ZSCAN1: variants seen among roughly 807,000 people sequenced by gnomAD.
The protein encoded by ZSCAN1 is zinc finger and SCAN domain-containing protein 1.
In ZSCAN1, 23 loss-of-function variants were observed where a neutral mutation model predicts 23.8. That is an observed-to-expected ratio of 0.97 (90% CI 0.70 to 1.37). The LOEUF (loss-of-function observed/expected upper bound fraction) is 1.37, where lower values mean the gene tolerates loss of function less well. Ranked by LOEUF, ZSCAN1 falls within the 40% of genes most tolerant of loss-of-function variation. The pLI is 0.00. For synonymous variants in ZSCAN1, 236 were observed against 232.3 expected (o/e 1.02, Z -0.15); for missense variants, 575 against 554.0 (o/e 1.04, Z -0.38).
Position 58,036,724 on chromosome 19 carries a change from T to C in ZSCAN1, c.-110+713T>C, listed in dbSNP as rs898706309. ...TTTTTTGGGATGGAATCTCACGCTGTCACTCAGGCTGGAGTACAGTGGTGC... is the reference window on the plus strand; with the variant it reads ...TTTTTTGGGATGGAATCTCACGCTGCCACTCAGGCTGGAGTACAGTGGTGC... On this transcript the variant is annotated intron_variant, in intron 2 of 5. Coordinates refer to ENST00000282326, the MANE Select transcript of ZSCAN1 (RefSeq NM_182572.4). Among the ~76,000 whole-genome samples the C allele has an allele frequency of 5.3e-5, 8 of 152,118 alleles. No homozygotes were observed. The East Asian group carries it at 1.5e-3, about 29-fold the overall frequency.
chr19:58,042,634 G>A (rs578143644), intron 4 of ZSCAN1, among the ~76,000 whole-genome samples: 1 of 152,226 alleles, frequency 6.6e-6, no homozygotes, highest in South Asian at 2.1e-4. Context: ...TGCATCTAAC[G>A]GAGGCATCTA....
In ZSCAN1 at chr19:58,040,335, C is replaced by A; in HGVS notation, c.371-115C>A. 9.4e-7 allele frequency: 1 copy of A among 1,060,074 alleles called. No homozygotes were observed. Among genetic ancestry groups the A allele is most frequent in the Non-Finnish European group, 1.4e-6 (1 of 708,022 alleles). The allele number at this position is 1,060,074 out of a possible 1,614,324, so 65.7% of individuals were successfully genotyped here. A position where few individuals can be genotyped will look rare whatever the true frequency, so the allele number is the denominator to read the frequency against. ...ACAGCCCTGCAGCCACTCTTGCCTGCGCCTCAGGGGTGCTGCAGGGATGTT... is the reference window on the plus strand; with the variant it reads ...ACAGCCCTGCAGCCACTCTTGCCTGAGCCTCAGGGGTGCTGCAGGGATGTT... On this transcript the variant is annotated intron_variant, in intron 3 of 5. Transcript: ENST00000282326. This position sits in a 1 kb window ranked among gnomAD's most constrained non-coding sequence, Gnocchi z 5.8.
In ZSCAN1 at chr19:58,040,515, A is replaced by C; in HGVS notation, c.436A>C (p.Ser146Arg). The C allele has an allele frequency of 6.2e-7, 1 of 1,613,572 alleles. No individual in the cohort carries two copies. The highest frequency in any genetic ancestry group is 8.5e-7 in the Non-Finnish European group (1 of 1,179,978). The change falls in exon 4 of 6, where the codon AGT (serine) becomes CGT (arginine). Residue 146 changes from serine to arginine, a missense_variant. Coordinates refer to ENST00000282326, the MANE Select transcript of ZSCAN1 (RefSeq NM_182572.4). This position sits in a 1 kb window ranked among gnomAD's most constrained non-coding sequence, Gnocchi z 5.8. ...WSFGEEEDGK[S>R]PRSQKEPSQA... ...TTTCGGTGAGGAGGAAGATGGGAAGAGTCCAAGGTCCCAGAAAGAACCATC... is the reference window on the plus strand; with the variant it reads ...TTTCGGTGAGGAGGAAGATGGGAAGCGTCCAAGGTCCCAGAAAGAACCATC...
chr19:58,042,035 A>G (rs1297844473), intron 4 of ZSCAN1, among the ~76,000 whole-genome samples: 1 of 152,236 alleles, frequency 6.6e-6, no homozygotes, highest in Non-Finnish European at 1.5e-5. Flanking sequence ...GAAGAGGAAC[A>G]GGCTATGACC....
At position 58,045,910 on chromosome 19, in the gene ZSCAN1, C is replaced by G; in HGVS notation, c.465+5366C>G. On this transcript the variant is annotated intron_variant, in intron 4 of 5. Coordinates refer to ENST00000282326, the MANE Select transcript of ZSCAN1 (RefSeq NM_182572.4). The surrounding 1 kb of genome is among the most constrained non-coding windows in gnomAD (Gnocchi z 4.3). ...CCCAGAGATTGTGGCAAAGGAAGCA[C>G]AGGTGAAAGTGGCCGAGGTGGAGGG... The G allele has an allele frequency of 1.0e-6, 1 of 989,654 alleles. No individual in the cohort carries two copies. The highest frequency in any genetic ancestry group is 1.6e-6 in the Non-Finnish European group (1 of 613,740). 61.3% of individuals were successfully genotyped at this position (989,654 alleles called of 1,614,324 possible). A position where few individuals can be genotyped will look rare whatever the true frequency, so the allele number is the denominator to read the frequency against.
chr19:58,052,676 A>G (rs1442034552), intron 5 of ZSCAN1, 48 bp downstream of exon 5: 1 of 1,529,630 alleles, frequency 6.5e-7, no homozygotes, highest in Non-Finnish European at 8.8e-7. Context: ...GGAGTTTGGG[A>G]CTTCAACCCA....
In ZSCAN1 at chr19:58,053,671, C is replaced by T. The variant is rs1312609490; in HGVS notation, c.847C>T (p.Pro283Ser). The T allele has an allele frequency of 1.2e-6, 2 of 1,614,138 alleles. No homozygotes were observed. Among genetic ancestry groups the T allele is most frequent in the Admixed American group, 3.3e-5 (2 of 60,018 alleles). The change falls in exon 6 of 6, where the codon CCG (proline) becomes TCG (serine). Residue 283 changes from proline (P) to serine (S), a missense_variant. Physicochemically the swap from Pro to Ser is moderately conservative, Grantham distance 74 (BLOSUM62 -1). Transcript: ENST00000282326. The surrounding 1 kb of genome is among the most constrained non-coding windows in gnomAD (Gnocchi z 5.8). Reference protein sequence around the residue: ...QEAVAGISVVPRGPRGGRPFQ... With the variant: ...QEAVAGISVVSRGPRGGRPFQ... Reference sequence around the variant, plus strand: ...GGCTGTTGCAGGCATCTCGGTAGTGCCGCGTGGGCCCCGAGGTGGGCGGCC... The same window carrying T: ...GGCTGTTGCAGGCATCTCGGTAGTGTCGCGTGGGCCCCGAGGTGGGCGGCC...
downstream of ZSCAN1, among the ~76,000 whole-genome samples, chr19:58,054,855 T>C (rs1227778374): frequency 2.0e-5 from 3 of 152,184 alleles, no homozygotes; most frequent in African/African-American, 7.2e-5. This position sits in a 1 kb window ranked among gnomAD's most constrained non-coding sequence, Gnocchi z 4.2. Flanking sequence ...GAAGGATTTT[T>C]TTTTTAGATA....
In ZSCAN1 at chr19:58,053,524, G is replaced by C. The variant is rs762558984; in HGVS notation, c.700G>C (p.Val234Leu). 6.2e-7 allele frequency: 1 copy of C among 1,614,148 alleles called. No individual in the cohort carries two copies. The highest frequency in any genetic ancestry group is 8.5e-7 in the Non-Finnish European group (1 of 1,180,028). ...PSSDLRAEGT[V>L]ISSPKGPSAQ... ...CTCAGACCTGCGGGCAGAAGGGACT[G>C]TGATCTCGAGCCCCAAGGGTCCAAG... Residue 234 changes from valine to leucine, a missense_variant, in exon 6 of 6, where the codon GTG becomes CTG. Transcript: ENST00000282326. This position sits in a 1 kb window ranked among gnomAD's most constrained non-coding sequence, Gnocchi z 5.8.
chr19:58,046,153 G>C (rs186236371), intron 4 of ZSCAN1: 1 of 727,374 alleles, frequency 1.4e-6, no homozygotes, highest in Non-Finnish European at 2.5e-6. Context: ...CACTGCCCCC[G>C]TGCTAGAGGG....
rs1391634451 is a variant in ZSCAN1 at position 58,037,616 on chromosome 19, T to C, written c.-109-112T>C. 19 of 491,902 alleles carry C rather than the reference T, an allele frequency of 3.9e-5. No individual in the cohort carries two copies. In the Admixed American group the frequency reaches 6.8e-4, roughly 18 times the overall value. The allele number at this position is 491,902 out of a possible 1,614,324, so 30.5% of individuals were successfully genotyped here. A position where few individuals can be genotyped will look rare whatever the true frequency, so the allele number is the denominator to read the frequency against. ...GTCAGAAGGTGGGAAGAGGTCAGGTTGGTTCCTTGGGGTGCTGGAGGTCAG... is the reference window on the plus strand; with the variant it reads ...GTCAGAAGGTGGGAAGAGGTCAGGTCGGTTCCTTGGGGTGCTGGAGGTCAG... On this transcript the variant is annotated intron_variant, in intron 2 of 5. Coordinates refer to ENST00000282326, the MANE Select transcript of ZSCAN1 (RefSeq NM_182572.4).
rs1426870617 is a variant in ZSCAN1 at position 58,053,593 on chromosome 19, C to G, written c.769C>G (p.Gln257Glu). 8.1e-6 allele frequency: 13 copies of G among 1,613,998 alleles called. No individual in the cohort carries two copies. In the Admixed American group the frequency reaches 8.3e-5, roughly 10 times the overall value. The change falls in exon 6 of 6, where the codon CAG (glutamine) becomes GAG (glutamate). Residue 257 changes from glutamine (Q) to glutamate (E), a missense_variant. Coordinates refer to ENST00000282326, the MANE Select transcript of ZSCAN1 (RefSeq NM_182572.4). The surrounding 1 kb of genome is among the most constrained non-coding windows in gnomAD (Gnocchi z 5.8). ...CCGAAGGAGAAACAGGAACACTGAC[C>G]AGAGCGGCCGCCACCAGCCATCCCT... ...SPRRRNRNTD[Q>E]SGRHQPSLKH...
Position 58,052,587 on chromosome 19 carries a change from C to G in ZSCAN1, c.563C>G (p.Thr188Ser). Residue 188 changes from threonine (T) to serine (S), a missense_variant, in exon 5 of 6, where the codon ACC (threonine) becomes AGC (serine). Physicochemically the swap from Thr to Ser is moderately conservative, Grantham distance 58. Coordinates refer to ENST00000282326, the MANE Select transcript of ZSCAN1 (RefSeq NM_182572.4). ...ETTQLQQSLHTRAEAEAPRAP... is the reference protein window; with the variant it reads ...ETTQLQQSLHSRAEAEAPRAP... ...ACCCAGCTCCAGCAGAGTCTGCACACCAGGGCGGAGGCCGAAGCGCCCCGC... is the reference window on the plus strand; with the variant it reads ...ACCCAGCTCCAGCAGAGTCTGCACAGCAGGGCGGAGGCCGAAGCGCCCCGC... 6.2e-7 allele frequency: 1 copy of G among 1,613,402 alleles called. No individual in the cohort carries two copies. Among genetic ancestry groups the G allele is most frequent in the Non-Finnish European group, 8.5e-7 (1 of 1,179,702 alleles).
chr19:58,038,253 C>G (rs774104262), intron 3 of ZSCAN1, 47 bp downstream of exon 3: 1 of 1,557,392 alleles, frequency 6.4e-7, no homozygotes, highest in East Asian at 2.4e-5. Context: ...GGGGGCCTGA[C>G]GTCTCCGAGG....
At chr19:58,044,561 G>T (rs1435823489) in intron 4 of ZSCAN1, 1 of 627,572 alleles carries the variant, frequency 1.6e-6, no homozygotes, top group South Asian at 2.0e-5. Context: ...AGCGCAGGAG[G>T]CCCGAGCGGC....
intron 1 of ZSCAN1, among the ~76,000 whole-genome samples, 159 bp from the exon 2 acceptor site, chr19:58,035,811 T>C (rs1051612662): frequency 7.2e-5 from 11 of 152,168 alleles, no homozygotes; most frequent in East Asian, 1.9e-4. Flanking sequence ...TAAAACCAGA[T>C]GCACGAGAAC....
chr19:58,050,492 C>G (rs1226838777), intron 4 of ZSCAN1, among the ~76,000 whole-genome samples: 1 of 152,002 alleles, frequency 6.6e-6, no homozygotes, highest in Non-Finnish European at 1.5e-5. Context: ...AGTAAGTTGC[C>G]AGGCATTCAT....
chr19:58,038,947 C>T (rs1160731434), intron 3 of ZSCAN1, among the ~76,000 whole-genome samples: 4 of 152,242 alleles, frequency 2.6e-5, no homozygotes, highest in Admixed American at 2.0e-4. Context: ...CAGGCAGCCA[C>T]GCTGCAGGAG....
intron 4 of ZSCAN1, chr19:58,044,676 CG>C: frequency 8.7e-6 from 7 of 801,614 alleles, no homozygotes; most frequent in Middle Eastern, 3.5e-4. Flanking sequence ...CGGGGTAGTC[CG>C]GGGGATCCTG....
Sources: allele counts gnomAD v4.1 joint callset (sites outside exome capture counted in the v4.1 genomes callset), GRCh38; gene constraint gnomAD v4.1.1; non-coding constraint Gnocchi (gnomAD v3.1); transcripts MANE v1.5; gene names NCBI Gene and HGNC (gene_info 2026-07-23, HGNC 2026-07-21).